The following UBE2H variants were observed in gnomAD, a reference collection of about 807,000 sequenced individuals.
UBE2H encodes ubiquitin-conjugating enzyme E2 H.
UBE2H carries 3 observed loss-of-function variants against 29.0 expected under a neutral mutation model. That is an observed-to-expected ratio of 0.10 (90% CI 0.05 to 0.27). UBE2H has a LOEUF of 0.27. UBE2H is among the 10% of genes least tolerant of loss of function. The pLI is 1.00. For synonymous variants in UBE2H, 69 were observed against 82.9 expected (o/e 0.83, Z 0.91); for missense variants, 68 against 228.2 (o/e 0.30, Z 4.52).
intron 1 of UBE2H, among the ~76,000 whole-genome samples, chr7:129,884,434 A>T (rs995549329): frequency 1.3e-5 from 2 of 151,504 alleles, no homozygotes; most frequent in East Asian, 1.9e-4. Flanking sequence ...AAAAAAAAAA[A>T]TTTCTCTACT....
chr7:129,918,342 T>C (rs573646345), intron 1 of UBE2H, among the ~76,000 whole-genome samples: 18 of 152,080 alleles, frequency 1.2e-4, no homozygotes, highest in African/African-American at 4.1e-4. Flanking sequence ...ATGAAAGACA[T>C]TGTCCAAAAA....
rs1055217730 is a variant in UBE2H, at chr7:129,920,616, G to T, written c.53+31887C>A. Among the ~76,000 whole-genome samples the T allele has an allele frequency of 6.6e-5, 10 of 151,960 alleles. No individual in the cohort carries two copies. The East Asian group carries it at 1.7e-3, about 26-fold the overall frequency. On this transcript the variant is annotated intron_variant, in intron 1 of 6. Coordinates refer to ENST00000355621, the MANE Select transcript of UBE2H (RefSeq NM_003344.4). ...ATATATGAGAAAATAAACATGAATGGTATGATGACAATTCAAGAAGACAGG... is the reference window on the plus strand; with the variant it reads ...ATATATGAGAAAATAAACATGAATGTTATGATGACAATTCAAGAAGACAGG...
chr7:129,922,511 A>AG (rs1807183974), intron 1 of UBE2H, among the ~76,000 whole-genome samples: 2 of 152,082 alleles, frequency 1.3e-5, no homozygotes, highest in South Asian at 4.1e-4. Flanking sequence ...TCCTGACCTC[A>AG]AGTGATCCAC....
chr7:129,854,027 C>T (rs959124961), intron 5 of UBE2H, among the ~76,000 whole-genome samples: 6 of 148,100 alleles, frequency 4.1e-5, no homozygotes, highest in East Asian at 2.0e-4. Flanking sequence ...TATGTTGACA[C>T]GCCAACTTTC....
At position 129,920,848 on chromosome 7, in the gene UBE2H, CAAAAAA is replaced by C. The variant is rs11347186; in HGVS notation, c.53+31649_53+31654del. 2.3e-3 allele frequency among the ~76,000 whole-genome samples: 167 copies of C among 73,984 alleles called. 2 individuals carry two copies. The highest frequency in any genetic ancestry group is 7.9e-3 in the African/African-American group (155 of 19,502). 48.5% of individuals were successfully genotyped at this position (73,984 alleles called of 152,430 possible). The stretch of plus-strand genomic sequence containing the variant: ...TAATAAACAAATGACTAGAAAAAGT[CAAAAAA>C]AAAAAAAAAAAAAAAAGCAATCTTT... On this transcript the variant is annotated intron_variant, in intron 1 of 6. Transcript: ENST00000355621.
At chr7:129,919,940 A>G (rs1807122943) in intron 1 of UBE2H, among the ~76,000 whole-genome samples, 1 of 152,232 alleles carries the variant, frequency 6.6e-6, no homozygotes, top group Non-Finnish European at 1.5e-5. Flanking sequence ...AGGAACTCTC[A>G]TATGTTGCTG....
At chr7:129,857,667 C>T in intron 4 of UBE2H, 104 bp from the exon 5 acceptor site, 1 of 1,243,246 alleles carries the variant, frequency 8.0e-7, no homozygotes, top group East Asian at 2.4e-5. Flanking sequence ...TCTAATAGAT[C>T]TGTGAAAAAA....
At chr7:129,867,974 C>T (rs1480437032) in intron 3 of UBE2H, among the ~76,000 whole-genome samples, 3 of 152,110 alleles carry the variant, frequency 2.0e-5, no homozygotes, top group Non-Finnish European at 2.9e-5. Context: ...ACAGTTTTCA[C>T]CAACACCAGG....
intron 1 of UBE2H, among the ~76,000 whole-genome samples, chr7:129,902,103 T>C (rs950941256): frequency 1.3e-5 from 2 of 152,202 alleles, no homozygotes; most frequent in Non-Finnish European, 2.9e-5. Flanking sequence ...GAACTCAGCA[T>C]ACAAAGAGTT....
chr7:129,889,108 G>A (rs1806422971), intron 1 of UBE2H, among the ~76,000 whole-genome samples: 1 of 152,172 alleles, frequency 6.6e-6, no homozygotes, highest in Admixed American at 6.6e-5. Context: ...CTAGAAAGTA[G>A]GCCAAGACCA....
intron 1 of UBE2H, among the ~76,000 whole-genome samples, chr7:129,900,480 G>A (rs1183580615): frequency 2.6e-5 from 4 of 152,084 alleles, no homozygotes; most frequent in East Asian, 1.9e-4. Flanking sequence ...TTATAGTTTC[G>A]AATATTATCA....
intron 1 of UBE2H, among the ~76,000 whole-genome samples, chr7:129,945,152 G>A (rs1807737886): frequency 6.6e-6 from 1 of 152,160 alleles, no homozygotes; most frequent in Non-Finnish European, 1.5e-5. Flanking sequence ...AGAAACTTTG[G>A]GGGAAGATAA....
At chr7:129,849,743 A>G (rs2116294762) in intron 5 of UBE2H, among the ~76,000 whole-genome samples, 1 of 152,284 alleles carries the variant, frequency 6.6e-6, no homozygotes, top group African/African-American at 2.4e-5. Flanking sequence ...AGGGCTCACA[A>G]TGCTGCACCT....
chr7:129,883,324 T>C (rs1806291637), intron 1 of UBE2H, among the ~76,000 whole-genome samples: 1 of 152,242 alleles, frequency 6.6e-6, no homozygotes, highest in Admixed American at 6.5e-5. Context: ...TGAAAAACTG[T>C]TGGCAGTACT....
At chr7:129,890,309 G>GTATATATGTATGTATATATACGTGTGTA (rs1219358698) in intron 1 of UBE2H, among the ~76,000 whole-genome samples, 56 of 150,944 alleles carry the variant, frequency 3.7e-4, no homozygotes, top group Admixed American at 9.9e-4. Flanking sequence ...ATACATACGT[G>GTATATATGTATGTATATATACGTGTGTA]TATATATGTA....
chr7:129,930,637 A>G (rs1376171480), intron 1 of UBE2H, among the ~76,000 whole-genome samples: 1 of 151,078 alleles, frequency 6.6e-6, no homozygotes, highest in Admixed American at 6.6e-5. Flanking sequence ...AGCTGGGCAC[A>G]GTGGCTCACA....
intron 1 of UBE2H, among the ~76,000 whole-genome samples, chr7:129,897,881 AGTT>A (rs1806630881): frequency 6.6e-6 from 1 of 152,244 alleles, no homozygotes; most frequent in Non-Finnish European, 1.5e-5. Context: ...ACAGAAGTGT[AGTT>A]AACAGGAAAA....
chr7:129,868,935 C>CTT (rs34258788), intron 3 of UBE2H, among the ~76,000 whole-genome samples: 4,724 of 119,740 alleles, frequency 0.039, 154 homozygotes, highest in Non-Finnish European at 0.055. Flanking sequence ...CTCTCTCTCT[C>CTT]TTTTTTTTTT....
At chr7:129,865,747 C>T (rs1176181730) in intron 3 of UBE2H, among the ~76,000 whole-genome samples, 7 of 152,346 alleles carry the variant, frequency 4.6e-5, no homozygotes, top group African/African-American at 4.8e-5. Context: ...CAACTGCCCA[C>T]ATAAAGTAGA....
Sources: allele counts gnomAD v4.1 joint callset (sites outside exome capture counted in the v4.1 genomes callset), GRCh38; gene constraint gnomAD v4.1.1; transcripts MANE v1.5; gene names NCBI Gene and HGNC (gene_info 2026-07-23, HGNC 2026-07-21).